Variants in SYNPO2 observed in about 807,000 individuals in gnomAD.
The protein encoded by SYNPO2 is synaptopodin-2.
Under a neutral mutation model 85.0 loss-of-function variants are expected in SYNPO2, and 56 were observed. The observed-to-expected ratio is 0.66, with a 90% CI of 0.53 to 0.82. The LOEUF (loss-of-function observed/expected upper bound fraction) is 0.82, where lower values mean the gene tolerates loss of function less well. SYNPO2 is among the 40% of genes least tolerant of loss of function. SYNPO2 has a pLI of 0.00. For missense variants in SYNPO2, 1,575 were observed against 1,534.2 expected, an observed-to-expected ratio of 1.03 and a Z score of -0.44; for synonymous variants, 602 against 591.1, an observed-to-expected ratio of 1.02 and a Z score of -0.27.
At chr4:118,973,418 G>C (rs542325081) in intron 1 of SYNPO2, among the ~76,000 whole-genome samples, 27 of 151,986 alleles carry the variant, frequency 1.8e-4, no homozygotes, top group Admixed American at 1.7e-3. Context: ...ATTTTTAAGA[G>C]AAAGCCACAG....
intron 1 of SYNPO2, among the ~76,000 whole-genome samples, chr4:118,865,766 TA>T (rs775385753): frequency 2.2e-4 from 33 of 152,250 alleles, no homozygotes; most frequent in Non-Finnish European, 3.7e-4. Flanking sequence ...TTTATTCGAA[TA>T]GGGGAAAGAG....
In SYNPO2 at chr4:118,987,072, T is replaced by C. The variant is rs148730691; in HGVS notation, c.106-36358T>C. Among the ~76,000 whole-genome samples, 362 of 152,346 alleles carry C rather than the reference T, an allele frequency of 2.4e-3. 7 individuals are homozygous for C. Among genetic ancestry groups the C allele is most frequent in the East Asian group, 0.014 (72 of 5,184 alleles). On this transcript the variant is annotated intron_variant, in intron 1 of 4. Coordinates refer to ENST00000307142, the MANE Select transcript of SYNPO2 (RefSeq NM_133477.3). Reference sequence around the variant, plus strand: ...ATCCCATTATCCTTATCATTGTTCTTGGTGAAACTGCAAATAAATAAAACC... The same window carrying C: ...ATCCCATTATCCTTATCATTGTTCTCGGTGAAACTGCAAATAAATAAAACC...
At chr4:118,992,768 G>C (rs565987608) in intron 1 of SYNPO2, among the ~76,000 whole-genome samples, 40 of 152,250 alleles carry the variant, frequency 2.6e-4, no homozygotes, top group African/African-American at 9.4e-4. Flanking sequence ...TTGCATCTTA[G>C]GTTTGGAGAT....
chr4:118,949,348 A>G (rs918247007), intron 1 of SYNPO2, among the ~76,000 whole-genome samples: 8 of 152,224 alleles, frequency 5.3e-5, no homozygotes, highest in Non-Finnish European at 8.8e-5. Flanking sequence ...CCCTAACCCT[A>G]TGAAATTGCT....
chr4:118,959,824 C>T (rs1735009736), intron 1 of SYNPO2, among the ~76,000 whole-genome samples: 1 of 107,580 alleles, frequency 9.3e-6, no homozygotes, highest in Non-Finnish European at 2.3e-5. Context: ...ATACTGTCTC[C>T]CTCGGTGTAG....
At chr4:118,975,324 T>C (rs1735683875) in intron 1 of SYNPO2, among the ~76,000 whole-genome samples, 1 of 152,168 alleles carries the variant, frequency 6.6e-6, no homozygotes, top group Non-Finnish European at 1.5e-5. Context: ...AGAATAGAGT[T>C]TGGGCACCTA....
intron 4 of SYNPO2, chr4:119,043,765 C>G (rs1738791016): frequency 6.6e-6 from 1 of 151,942 alleles, no homozygotes; most frequent in Non-Finnish European, 1.5e-5. Context: ...TGGTGAAACC[C>G]CACCTCTATT....
At chr4:118,861,889 A>G (rs28797314) in intron 1 of SYNPO2, among the ~76,000 whole-genome samples, 8,489 of 152,068 alleles carry the variant, frequency 0.056, 272 homozygotes, top group Non-Finnish European at 0.064. Context: ...AATGTTATTG[A>G]TATTCAATAG....
intron 1 of SYNPO2, among the ~76,000 whole-genome samples, chr4:118,904,009 C>T (rs1169377532): frequency 6.6e-6 from 1 of 152,136 alleles, no homozygotes; most frequent in Non-Finnish European, 1.5e-5. Flanking sequence ...AGCCACCGTG[C>T]CCCGCCAATG....
chr4:118,946,595 G>C (rs1378249074), intron 1 of SYNPO2, among the ~76,000 whole-genome samples: 1 of 152,168 alleles, frequency 6.6e-6, no homozygotes, highest in Admixed American at 6.5e-5. Context: ...GTTCTCTGCT[G>C]TATTCTAAAT....
intron 1 of SYNPO2, among the ~76,000 whole-genome samples, chr4:118,852,468 C>T (rs1578499422): frequency 2.0e-5 from 3 of 152,174 alleles, no homozygotes; most frequent in Non-Finnish European, 4.4e-5. Context: ...TAGAATCAAC[C>T]TAAATGCCCA....
intron 1 of SYNPO2, among the ~76,000 whole-genome samples, chr4:118,896,007 G>A (rs1392395432): frequency 3.3e-5 from 5 of 151,876 alleles, no homozygotes; most frequent in African/African-American, 1.2e-4. Flanking sequence ...TCAGTTTATA[G>A]ATTAAAAAAA....
chr4:118,886,253 T>C (rs1732197118), upstream of SYNPO2, among the ~76,000 whole-genome samples: 1 of 152,094 alleles, frequency 6.6e-6, no homozygotes, highest in Admixed American at 6.5e-5. Flanking sequence ...TTTTAAAAAT[T>C]TTTACTTTAA....
At chr4:119,038,375 A>AT in intron 4 of SYNPO2, 1 of 985,052 alleles carries the variant, frequency 1.0e-6, no homozygotes, top group Non-Finnish European at 1.2e-6. Flanking sequence ...TTAGTAAAAA[A>AT]AAAAAATGAA....
chr4:118,937,075 T>A (rs928710768), intron 1 of SYNPO2, among the ~76,000 whole-genome samples: 1 of 152,128 alleles, frequency 6.6e-6, no homozygotes, highest in East Asian at 1.9e-4. Flanking sequence ...CTCCAGTCTG[T>A]TTTCCAAACA....
At chr4:118,890,080 T>C (rs1289648162) in intron 1 of SYNPO2, among the ~76,000 whole-genome samples, 1 of 152,146 alleles carries the variant, frequency 6.6e-6, no homozygotes, top group African/African-American at 2.4e-5. Context: ...ATGAAATACA[T>C]GGGCCATTGC....
At chr4:118,905,988 G>A (rs1449614991) in intron 1 of SYNPO2, among the ~76,000 whole-genome samples, 1 of 152,140 alleles carries the variant, frequency 6.6e-6, no homozygotes, top group African/African-American at 2.4e-5. Context: ...CCTGCTCTTT[G>A]AAAGTAGGAA....
chr4:119,031,324 C>A lies in SYNPO2; in HGVS notation c.2549C>A (p.Thr850Lys). The change falls in exon 4 of 5, where the codon ACA (threonine) becomes AAA (lysine). Residue 850 changes from threonine to lysine, a missense_variant. Coordinates refer to ENST00000307142, the MANE Select transcript of SYNPO2 (RefSeq NM_133477.3). Reference protein sequence around the residue: ...YTPKPTVSTPTVNAVQPGAVG... With the variant: ...YTPKPTVSTPKVNAVQPGAVG... The stretch of plus-strand genomic sequence containing the variant: ...CCCAAACCAACAGTTTCCACACCAA[C>A]AGTCAATGCTGTTCAGCCTGGTGCA... 1 of 1,614,220 alleles carries A rather than the reference C, an allele frequency of 6.2e-7. No homozygotes were observed. Among genetic ancestry groups the A allele is most frequent in the East Asian group, 2.2e-5 (1 of 44,884 alleles).
intron 1 of SYNPO2, among the ~76,000 whole-genome samples, chr4:119,019,475 T>C (rs888808784): frequency 6.6e-6 from 1 of 152,222 alleles, no homozygotes; most frequent in Non-Finnish European, 1.5e-5. Flanking sequence ...TTATGAAAGA[T>C]AATTATACTC....
Sources: allele counts gnomAD v4.1 joint callset (sites outside exome capture counted in the v4.1 genomes callset), GRCh38; gene constraint gnomAD v4.1.1; transcripts MANE v1.5; gene names NCBI Gene and HGNC (gene_info 2026-07-23, HGNC 2026-07-21).